Variants in PRKN observed in about 807,000 individuals in gnomAD.
The protein encoded by PRKN is parkin RBR E3 ubiquitin protein ligase.
A neutral mutation model predicts 59.5 loss-of-function variants in PRKN; 56 were observed. The observed-to-expected ratio is 0.94, with a 90% CI of 0.76 to 1.18. PRKN has a LOEUF of 1.18. Ranked by LOEUF, PRKN falls within the 50% of genes most tolerant of loss-of-function variation. PRKN has a pLI of 0.00. For missense variants in PRKN, 657 were observed against 596.4 expected, an observed-to-expected ratio of 1.10 and a Z score of -1.06; for synonymous variants, 250 against 222.1, an observed-to-expected ratio of 1.13 and a Z score of -1.12.
rs985101238 is a variant in PRKN, at chr6:161,348,849, A to T, written c.*1250T>A. The T allele has an allele frequency of 9.6e-6, 2 of 207,870 alleles. No homozygotes were observed. Among genetic ancestry groups the T allele is most frequent in the African/African-American group, 2.3e-5 (1 of 43,928 alleles). 12.9% of individuals were successfully genotyped at this position (207,870 alleles called of 1,614,324 possible). ...TGGGTAAGAGCATGCGGTTTGCCGCATGCAGTGTTGTTAATCTTTTGATTG... is the reference window on the plus strand; with the variant it reads ...TGGGTAAGAGCATGCGGTTTGCCGCTTGCAGTGTTGTTAATCTTTTGATTG... On this transcript the variant is annotated 3_prime_UTR_variant, in exon 12 of 12. Coordinates refer to ENST00000366898, the MANE Select transcript of PRKN (RefSeq NM_004562.3). This position sits in a 1 kb window ranked among gnomAD's most constrained non-coding sequence, Gnocchi z 4.9.
chr6:162,703,363 T>C (rs1778226133), intron 1 of PRKN, among the ~76,000 whole-genome samples: 2 of 152,250 alleles, frequency 1.3e-5, no homozygotes, highest in African/African-American at 4.8e-5. Flanking sequence ...TTATATACAT[T>C]CTCTTTCTAA....
rs574908056 is a variant in PRKN at position 162,404,655 on chromosome 6, C to T, written c.171+38655G>A. ...GCAACCTCCACCTCCCAGGTTCAAG[C>T]GATTCTCCTACCTCAGCCTCCCGAG... is the stretch of plus-strand genomic sequence containing the variant. On this transcript the variant is annotated intron_variant, in intron 2 of 11. Coordinates refer to ENST00000366898, the MANE Select transcript of PRKN (RefSeq NM_004562.3). Among the ~76,000 whole-genome samples the T allele has an allele frequency of 5.9e-5, 9 of 152,148 alleles. No individual in the cohort carries two copies. The East Asian group carries it at 1.8e-3, about 30-fold the overall frequency.
intron 2 of PRKN, among the ~76,000 whole-genome samples, chr6:162,344,261 T>C (rs1191541269): frequency 2.0e-5 from 3 of 152,092 alleles, no homozygotes; most frequent in Admixed American, 6.6e-5. Flanking sequence ...CATAGAAACA[T>C]ATGGTCTTCA....
intron 7 of PRKN, among the ~76,000 whole-genome samples, chr6:161,598,199 C>A (rs1251061270): frequency 6.6e-6 from 1 of 152,110 alleles, no homozygotes; most frequent in African/African-American, 2.4e-5. Context: ...ATGCTCGATG[C>A]CTAGTGCTCT....
intron 6 of PRKN, among the ~76,000 whole-genome samples, chr6:161,789,298 G>A (rs1790546582): frequency 6.6e-6 from 1 of 152,138 alleles, no homozygotes; most frequent in Non-Finnish European, 1.5e-5. Context: ...CCTACTTCGG[G>A]TTAGGTGGCT....
intron 1 of PRKN, among the ~76,000 whole-genome samples, chr6:162,482,681 G>A (rs1562320329): frequency 6.6e-6 from 1 of 152,134 alleles, no homozygotes; most frequent in Non-Finnish European, 1.5e-5. Context: ...AGTATACTAT[G>A]TAAAATGGAT....
chr6:162,278,178 T>C (rs1351524987), intron 2 of PRKN, among the ~76,000 whole-genome samples: 1 of 152,170 alleles, frequency 6.6e-6, no homozygotes, highest in Non-Finnish European at 1.5e-5. Context: ...AAAGGCTACA[T>C]CTTGTATGAT....
chr6:161,456,788 C>T lies in PRKN; in HGVS notation c.1084-69911G>A, dbSNP rs1377056473. Among the ~76,000 whole-genome samples the T allele has an allele frequency of 6.6e-6, 1 of 152,106 alleles. No individual in the cohort carries two copies. Among genetic ancestry groups the T allele is most frequent in the African/African-American group, 2.4e-5 (1 of 41,412 alleles). Reference sequence around the variant, plus strand: ...AGGGTCTGGGGTACATGCACATGACCCTTCCTCTTCCTCTTCCACCCACAT... The same window carrying T: ...AGGGTCTGGGGTACATGCACATGACTCTTCCTCTTCCTCTTCCACCCACAT... On this transcript the variant is annotated intron_variant, in intron 9 of 11. Coordinates refer to ENST00000366898, the MANE Select transcript of PRKN (RefSeq NM_004562.3). The surrounding 1 kb of genome is among the most constrained non-coding windows in gnomAD (Gnocchi z 4.8).
At chr6:161,897,579 C>T (rs1777679185) in intron 6 of PRKN, among the ~76,000 whole-genome samples, 1 of 152,192 alleles carries the variant, frequency 6.6e-6, no homozygotes, top group Non-Finnish European at 1.5e-5. Context: ...TGTGGGTACT[C>T]TATACAGCAA....
chr6:162,609,350 G>A (rs886700385), intron 1 of PRKN, among the ~76,000 whole-genome samples: 6 of 152,068 alleles, frequency 3.9e-5, no homozygotes, highest in Admixed American at 2.6e-4. Context: ...GAATTAAACT[G>A]GACATTTGAC....
intron 1 of PRKN, among the ~76,000 whole-genome samples, chr6:162,643,520 G>T (rs968671036): frequency 2.6e-5 from 4 of 151,802 alleles, no homozygotes; most frequent in Admixed American, 1.3e-4. Context: ...GGCCCATTTC[G>T]GCGGGGAGGC....
At chr6:162,391,637 G>A (rs888253362) in intron 2 of PRKN, among the ~76,000 whole-genome samples, 2 of 152,112 alleles carry the variant, frequency 1.3e-5, no homozygotes, top group Non-Finnish European at 2.9e-5. Context: ...TTTTCTTACT[G>A]CACATGCTTG....
chr6:162,301,225 C>A (rs1781935540), intron 2 of PRKN, among the ~76,000 whole-genome samples: 1 of 151,996 alleles, frequency 6.6e-6, no homozygotes, highest in African/African-American at 2.4e-5. Context: ...AAGAGGCTTG[C>A]CAAAGTAAAG....
At chr6:162,655,187 C>T (rs1272450968) in intron 1 of PRKN, among the ~76,000 whole-genome samples, 1 of 152,006 alleles carries the variant, frequency 6.6e-6, no homozygotes, top group Non-Finnish European at 1.5e-5. Context: ...AGTTGTTATG[C>T]TTTAAATATA....
chr6:161,706,113 T>A (rs75671710), intron 7 of PRKN, among the ~76,000 whole-genome samples: 264 of 151,810 alleles, frequency 1.7e-3, no homozygotes, highest in African/African-American at 6.0e-3. Flanking sequence ...TCCCCCCACA[T>A]CCTCAATTCT....
At chr6:161,430,409 A>G (rs1448250370) in intron 9 of PRKN, among the ~76,000 whole-genome samples, 2 of 152,152 alleles carry the variant, frequency 1.3e-5, no homozygotes. Context: ...AATGATAGCA[A>G]TTTTCACCAA....
intron 6 of PRKN, among the ~76,000 whole-genome samples, chr6:161,896,869 A>G (rs1777647244): frequency 6.6e-6 from 1 of 152,208 alleles, no homozygotes; most frequent in South Asian, 2.1e-4. Context: ...ATTCCTAGAT[A>G]ATATAATATT....
chr6:161,535,958 T>TA (rs944895587), intron 9 of PRKN, among the ~76,000 whole-genome samples: 4 of 188 alleles, frequency 0.021, no homozygotes, highest in South Asian at 0.12. Flanking sequence ...AACAAAAAGA[T>TA]TTTTTTTTTT....
At chr6:161,823,301 G>A (rs1456635628) in intron 6 of PRKN, among the ~76,000 whole-genome samples, 1 of 151,934 alleles carries the variant, frequency 6.6e-6, no homozygotes, top group African/African-American at 2.4e-5. Flanking sequence ...TCTTCTGTCG[G>A]CAGCAAATCA....
Sources: allele counts gnomAD v4.1 joint callset (sites outside exome capture counted in the v4.1 genomes callset), GRCh38; gene constraint gnomAD v4.1.1; non-coding constraint Gnocchi (gnomAD v3.1); transcripts MANE v1.5; gene names NCBI Gene and HGNC (gene_info 2026-07-23, HGNC 2026-07-21).